Variants in PCDH9 observed in about 807,000 individuals in gnomAD.
PCDH9 encodes the protein protocadherin-9.
A neutral mutation model predicts 70.6 loss-of-function variants in PCDH9; 24 were observed. The ratio of observed to expected loss-of-function variants is 0.34; its 90% CI spans 0.25 to 0.48. The LOEUF is 0.48. Ranked by LOEUF, PCDH9 falls within the 20% of genes least tolerant of loss-of-function variation. PCDH9 has a pLI of 0.99. For synonymous variants in PCDH9, 562 were observed against 558.5 expected, an observed-to-expected ratio of 1.01 and a Z score of -0.09; for missense variants, 1,281 against 1,503.6, an observed-to-expected ratio of 0.85 and a Z score of 2.45.
At chr13:66,813,864 T>C (rs1445732610) in intron 3 of PCDH9, among the ~76,000 whole-genome samples, 1 of 152,092 alleles carries the variant, frequency 6.6e-6, no homozygotes, top group Non-Finnish European at 1.5e-5. Flanking sequence ...TTTAGATAAT[T>C]GGTCTAAATA....
chr13:66,717,917 TG>T (rs2139145874), intron 3 of PCDH9, among the ~76,000 whole-genome samples: 1 of 152,302 alleles, frequency 6.6e-6, no homozygotes, highest in South Asian at 2.1e-4. Flanking sequence ...GAGATCATTT[TG>T]GTATTCCCAA....
At chr13:66,475,161 C>T (rs73511703) in intron 4 of PCDH9, among the ~76,000 whole-genome samples, 233 of 152,176 alleles carry the variant, frequency 1.5e-3, no homozygotes, top group African/African-American at 5.4e-3. Flanking sequence ...TATATGCTCA[C>T]AGCACAGAGG....
At chr13:67,125,841 ATGTG>A (rs34815072) in intron 2 of PCDH9, among the ~76,000 whole-genome samples, 83 of 150,178 alleles carry the variant, frequency 5.5e-4, no homozygotes, top group Non-Finnish European at 8.2e-4. Context: ...GTATATATAT[ATGTG>A]TGTGTGTGTG....
chr13:66,693,298 A>G (rs2078513808), intron 3 of PCDH9, among the ~76,000 whole-genome samples: 1 of 152,084 alleles, frequency 6.6e-6, no homozygotes, highest in Non-Finnish European at 1.5e-5. Flanking sequence ...ATATATATTG[A>G]TTATAAATCA....
chr13:67,071,888 CAAA>C (rs5804309), intron 2 of PCDH9, among the ~76,000 whole-genome samples: 22 of 86,624 alleles, frequency 2.5e-4, no homozygotes, highest in Admixed American at 5.0e-4. Context: ...GACTTTGTCT[CAAA>C]AAAAAAAAAA....
intron 2 of PCDH9, among the ~76,000 whole-genome samples, chr13:66,938,396 T>A (rs2082952944): frequency 6.6e-6 from 1 of 152,212 alleles, no homozygotes; most frequent in South Asian, 2.1e-4. Context: ...AATACTCTAT[T>A]AATTTAGCTG....
At chr13:66,785,034 C>T (rs1303508334) in intron 3 of PCDH9, among the ~76,000 whole-genome samples, 1 of 152,024 alleles carries the variant, frequency 6.6e-6, no homozygotes, top group Non-Finnish European at 1.5e-5. Context: ...AAACCTAACA[C>T]ATGTAAAAAT....
chr13:66,477,586 T>C (rs1412120875), intron 4 of PCDH9, among the ~76,000 whole-genome samples: 1 of 152,184 alleles, frequency 6.6e-6, no homozygotes. Flanking sequence ...TGTGGCTTTG[T>C]TTTCTTGTTA....
chr13:66,874,942 T>TGAGA lies in PCDH9; in HGVS notation c.3138+28558_3138+28561dup, dbSNP rs1555279830. On this transcript the variant is annotated intron_variant, in intron 3 of 4. Transcript: ENST00000377865. ...GTGTGTGTGTGTGTGTGTGTGTGTG[T>TGAGA]GAGAGAGAGAGAGAGAGAGAGACAG... Among the ~76,000 whole-genome samples, 535 of 110,020 alleles carry TGAGA rather than the reference T, an allele frequency of 4.9e-3. 4 individuals are homozygous for TGAGA. The highest frequency in any genetic ancestry group is 0.012 in the African/African-American group (460 of 36,818). 72.2% of individuals were successfully genotyped at this position (110,020 alleles called of 152,430 possible).
intron 4 of PCDH9, among the ~76,000 whole-genome samples, chr13:66,502,226 G>A (rs941360285): frequency 2.6e-5 from 4 of 152,054 alleles, no homozygotes; most frequent in Non-Finnish European, 5.9e-5. Flanking sequence ...CTTCTTTTGA[G>A]TACAACTTCA....
chr13:66,943,844 G>A (rs2139687369), intron 2 of PCDH9, among the ~76,000 whole-genome samples: 1 of 152,184 alleles, frequency 6.6e-6, no homozygotes, highest in Middle Eastern at 3.4e-3. Context: ...ACCAATATGG[G>A]CCAGGAAGCT....
At chr13:66,496,788 A>G (rs933087594) in intron 4 of PCDH9, among the ~76,000 whole-genome samples, 16 of 152,192 alleles carry the variant, frequency 1.1e-4, no homozygotes, top group Non-Finnish European at 2.1e-4. Flanking sequence ...TAAGTTCTCA[A>G]TAGTGCAATT....
intron 2 of PCDH9, among the ~76,000 whole-genome samples, chr13:66,963,708 C>T (rs1039083321): frequency 5.1e-4 from 78 of 152,208 alleles, no homozygotes; most frequent in African/African-American, 1.7e-3. Flanking sequence ...GACAGGACCA[C>T]CCTCTTCATG....
intron 2 of PCDH9, among the ~76,000 whole-genome samples, chr13:66,999,719 G>C (rs1416424439): frequency 6.6e-6 from 1 of 151,834 alleles, no homozygotes; most frequent in Non-Finnish European, 1.5e-5. Flanking sequence ...GCAGCCAAAA[G>C]ACACATGAAA....
At chr13:66,316,993 G>A (rs1458873066) in intron 4 of PCDH9, among the ~76,000 whole-genome samples, 5 of 152,098 alleles carry the variant, frequency 3.3e-5, no homozygotes, top group Admixed American at 2.6e-4. Flanking sequence ...AAAATGCTGG[G>A]ATTATAGGTG....
chr13:66,965,271 A>AT (rs1389087531), intron 2 of PCDH9, among the ~76,000 whole-genome samples: 1 of 152,094 alleles, frequency 6.6e-6, no homozygotes, highest in Non-Finnish European at 1.5e-5. Flanking sequence ...TTATTGTACT[A>AT]TTATAGGAGC....
intron 3 of PCDH9, among the ~76,000 whole-genome samples, chr13:66,844,305 G>A (rs1376547151): frequency 6.6e-6 from 1 of 151,928 alleles, no homozygotes; most frequent in Non-Finnish European, 1.5e-5. Flanking sequence ...CCCTAAAATT[G>A]GCCAGGCACA....
At chr13:66,742,356 A>T (rs1344782732) in intron 3 of PCDH9, among the ~76,000 whole-genome samples, 1 of 63,886 alleles carries the variant, frequency 1.6e-5, no homozygotes, top group Admixed American at 2.0e-4. Context: ...GATGGATTAA[A>T]GATTTAAACG....
At chr13:66,638,445 T>C (rs1436768231) in intron 3 of PCDH9, among the ~76,000 whole-genome samples, 1 of 152,194 alleles carries the variant, frequency 6.6e-6, no homozygotes, top group Non-Finnish European at 1.5e-5. Context: ...TTGCCAGCCA[T>C]AAATTAAAAT....
Sources: allele counts gnomAD v4.1 joint callset (sites outside exome capture counted in the v4.1 genomes callset), GRCh38; gene constraint gnomAD v4.1.1; transcripts MANE v1.5; gene names NCBI Gene and HGNC (gene_info 2026-07-23, HGNC 2026-07-21).